Variants in C3orf49 observed in about 807,000 individuals in gnomAD.
C3orf49 encodes putative uncharacterized protein C3orf49.
Under a neutral mutation model 13.3 loss-of-function variants are expected in C3orf49, and 27 were observed. That is an observed-to-expected ratio of 2.02 (90% CI 1.49 to 2.79). The LOEUF (loss-of-function observed/expected upper bound fraction) is 2.79, where lower values mean the gene tolerates loss of function less well. C3orf49 is among the 30% of genes most tolerant of loss of function. The probability of loss-of-function intolerance (pLI) is 0.00; values close to 1 mark genes in which losing one functional copy is unlikely to be tolerated. For synonymous variants in C3orf49, 87 were observed against 47.6 expected (o/e 1.83, Z -3.40); for missense variants, 242 against 134.2 (o/e 1.80, Z -3.97).
chr3:63,792,764 C>A, the C3orf49 span, among the ~76,000 whole-genome samples: 1 of 152,188 alleles, frequency 6.6e-6, no homozygotes, highest in African/African-American at 2.4e-5. Context: ...CATTCCCTTG[C>A]TATGTAAATT....
rs1701526852 is a variant in C3orf49 at position 63,831,139 on chromosome 3, C to T, written c.600C>T (p.His200=). ...KGPYSPKKRP[H]FPALKKKKRG... Reference sequence around the variant, plus strand: ...CATATTCACCAAAAAAGAGACCACACTTTCCAGCACTTAAAAAAAAGAAGC... The same window carrying T: ...CATATTCACCAAAAAAGAGACCACATTTTCCAGCACTTAAAAAAAAGAAGC... Residue 200 remains histidine, a synonymous_variant, in exon 4 of 7, where the codon CAC becomes CAT. Transcript: ENST00000295896. The T allele has an allele frequency of 1.0e-5, 7 of 702,548 alleles. No homozygotes were observed. Among genetic ancestry groups the T allele is most frequent in the Non-Finnish European group, 1.6e-5 (6 of 384,962 alleles). The allele number at this position is 702,548 out of a possible 1,614,324, so 43.5% of individuals were successfully genotyped here. A position where few individuals can be genotyped will look rare whatever the true frequency, so the allele number is the denominator to read the frequency against.
chr3:63,836,411 T>C (rs1018380400), intron 5 of C3orf49: 3 of 1,558,782 alleles, frequency 1.9e-6, no homozygotes, highest in Non-Finnish European at 2.6e-6. Flanking sequence ...ATGTGAATTA[T>C]CAAAACAAAA....
chr3:63,835,981 T>C (rs1183152818), intron 5 of C3orf49, among the ~76,000 whole-genome samples: 1 of 152,052 alleles, frequency 6.6e-6, no homozygotes, highest in African/African-American at 2.4e-5. Context: ...TTTCACTGAT[T>C]ATGTTTTGAG....
the C3orf49 span, chr3:63,779,908 A>T: frequency 6.6e-6 from 1 of 152,208 alleles, no homozygotes; most frequent in African/African-American, 2.4e-5. Flanking sequence ...GTTGCCTGGC[A>T]TACTCCAATC....
At chr3:63,818,695 G>A (rs1424059777), upstream of C3orf49, among the ~76,000 whole-genome samples, 3 of 152,184 alleles carry the variant, frequency 2.0e-5, no homozygotes, top group African/African-American at 7.2e-5. Flanking sequence ...CAAACCGCGA[G>A]AGGGTAACAG....
chr3:63,813,974 T>A, the C3orf49 span, among the ~76,000 whole-genome samples: 2 of 152,188 alleles, frequency 1.3e-5, no homozygotes. Context: ...ACTCTATGTA[T>A]TTACTTCACC....
chr3:63,802,573 A>T, the C3orf49 span, among the ~76,000 whole-genome samples: 1 of 152,112 alleles, frequency 6.6e-6, no homozygotes, highest in African/African-American at 2.4e-5. Context: ...CATCTTTCTT[A>T]GTTTTTTTAT....
At chr3:63,841,738 G>C (rs1701765650) in intron 5 of C3orf49, among the ~76,000 whole-genome samples, 1 of 152,160 alleles carries the variant, frequency 6.6e-6, no homozygotes, top group African/African-American at 2.4e-5. Context: ...TATCTGAAGA[G>C]ACTGAGACAA....
At chr3:63,808,362 C>G in the C3orf49 span, among the ~76,000 whole-genome samples, 1 of 152,184 alleles carries the variant, frequency 6.6e-6, no homozygotes, top group Non-Finnish European at 1.5e-5. Flanking sequence ...TTTCATACAA[C>G]TTCTGTCTAA....
At chr3:63,837,885 G>C (rs1701666228) in intron 5 of C3orf49, 1 of 1,116,068 alleles carries the variant, frequency 9.0e-7, no homozygotes, top group African/African-American at 1.6e-5. Context: ...GTTGATTCAG[G>C]CTGCAGATTT....
the C3orf49 span, among the ~76,000 whole-genome samples, chr3:63,797,709 T>A: frequency 6.6e-6 from 1 of 152,162 alleles, no homozygotes; most frequent in Non-Finnish European, 1.5e-5. Context: ...CAGTTTGCCC[T>A]AAGGCGTCCA....
At chr3:63,812,633 T>C in the C3orf49 span, among the ~76,000 whole-genome samples, 246 of 152,322 alleles carry the variant, frequency 1.6e-3, 1 homozygote, top group Middle Eastern at 0.01. Flanking sequence ...TCTTTTCCAA[T>C]TCTAGAAGTG....
chr3:63,832,299 C>T (rs899191906), intron 5 of C3orf49, among the ~76,000 whole-genome samples: 7 of 151,996 alleles, frequency 4.6e-5, no homozygotes, highest in Non-Finnish European at 8.8e-5. Flanking sequence ...GGTGGGGATA[C>T]GGAGGCAGCA....
At chr3:63,833,913 C>T in intron 5 of C3orf49, 1 of 457,678 alleles carries the variant, frequency 2.2e-6, no homozygotes, top group Non-Finnish European at 3.8e-6. Context: ...GATGTTGCTT[C>T]CTACCACTTA....
At chr3:63,847,602 G>C (rs1458682437) in intron 6 of C3orf49, among the ~76,000 whole-genome samples, 1 of 151,986 alleles carries the variant, frequency 6.6e-6, no homozygotes, top group Non-Finnish European at 1.5e-5. Flanking sequence ...CCGGGTGTGG[G>C]GTTGCGTGCC....
At chr3:63,839,512 A>T (rs964353266) in intron 5 of C3orf49, 2 of 745,538 alleles carry the variant, frequency 2.7e-6, no homozygotes, top group African/African-American at 3.5e-5. Context: ...GAAAAGGCCA[A>T]GAAAATCTAC....
chr3:63,799,083 T>C, the C3orf49 span, among the ~76,000 whole-genome samples: 3 of 152,278 alleles, frequency 2.0e-5, no homozygotes, highest in East Asian at 5.8e-4. Flanking sequence ...AATTGTGTTA[T>C]GATATCTGAT....
chr3:63,814,025 T>C, the C3orf49 span, among the ~76,000 whole-genome samples: 1 of 152,194 alleles, frequency 6.6e-6, no homozygotes, highest in African/African-American at 2.4e-5. Context: ...CTTACCAAGT[T>C]TGCAGAGGGC....
the C3orf49 span, among the ~76,000 whole-genome samples, chr3:63,811,223 T>G: frequency 1.3e-5 from 2 of 152,188 alleles, no homozygotes; most frequent in African/African-American, 4.8e-5. Context: ...AAAAAACTCT[T>G]CACTTTCTGA....
Sources: allele counts gnomAD v4.1 joint callset (sites outside exome capture counted in the v4.1 genomes callset), GRCh38; gene constraint gnomAD v4.1.1; transcripts MANE v1.5; gene names NCBI Gene and HGNC (gene_info 2026-07-23, HGNC 2026-07-21).